Variants in AGRN observed in about 807,000 individuals in gnomAD.
The protein encoded by AGRN is agrin.
AGRN carries 106 observed loss-of-function variants against 211.0 expected under a neutral mutation model. That is an observed-to-expected ratio of 0.50 (90% CI 0.43 to 0.59). AGRN has a LOEUF of 0.59. Ranked by LOEUF, AGRN falls within the 20% of genes least tolerant of loss-of-function variation. The pLI is 0.00. For synonymous variants in AGRN, 1,525 were observed against 1,332.5 expected (o/e 1.14, Z -3.15); for missense variants, 3,040 against 2,982.6 (o/e 1.02, Z -0.45).
In AGRN at chr1:1,020,426, G is replaced by C; in HGVS notation, c.201+53G>C. On this transcript the variant is annotated intron_variant, in intron 1 of 35. Transcript: ENST00000379370. Reference sequence around the variant, plus strand: ...CTCGCGACGCCTGCCGCCCCGCCGGGACCCCCGCCCCAGGCCGTGGGAACC... The same window carrying C: ...CTCGCGACGCCTGCCGCCCCGCCGGCACCCCCGCCCCAGGCCGTGGGAACC... The C allele has an allele frequency of 2.0e-6, 3 of 1,467,670 alleles. No homozygotes were observed. The East Asian group carries it at 9.0e-5, about 44-fold the overall frequency. 90.9% of individuals were successfully genotyped at this position (1,467,670 alleles called of 1,614,324 possible).
intron 2 of AGRN, among the ~76,000 whole-genome samples, chr1:1,023,917 T>TCC (rs1644464464): frequency 6.6e-6 from 1 of 151,988 alleles, no homozygotes; most frequent in African/African-American, 2.4e-5. Flanking sequence ...AGGGACGAGC[T>TCC]CCAGGTGGGG....
rs780205618 is a variant in AGRN, at chr1:1,043,388, G to T, written c.1534G>T (p.Ala512Ser). Residue 512 changes from alanine (A) to serine (S), a missense_variant, in exon 8 of 36, where the codon GCG becomes TCG. This residue lies in a region of AGRN where 1,498 missense variants were observed against 1,457.8 expected (regional missense o/e 1.03). Coordinates refer to ENST00000379370, the MANE Select transcript of AGRN (RefSeq NM_198576.4). ...CAGCGACGGCGTCACATACGGCAGC[G>T]CGTGCGAGCTGGAGGCCACGGCCTG... Reference protein sequence around the residue: ...CGSDGVTYGSACELEATACTL... With the variant: ...CGSDGVTYGSSCELEATACTL... 25 of 1,608,974 alleles carry T rather than the reference G, an allele frequency of 1.6e-5. No homozygotes were observed. The highest frequency in any genetic ancestry group is 2.1e-5 in the Non-Finnish European group (25 of 1,178,460).
chr1:1,020,855 G>GGGC (rs1553170896), intron 1 of AGRN, among the ~76,000 whole-genome samples: 1 of 150,696 alleles, frequency 6.6e-6, no homozygotes. Context: ...TGCGGGGGGG[G>GGGC]GGCGTGCAGG....
chr1:1,054,025 G>A (rs757508839), intron 34 of AGRN, 48 bp downstream of exon 34: 9 of 1,539,734 alleles, frequency 5.8e-6, no homozygotes, highest in Non-Finnish European at 7.9e-6. Context: ...GGGCTGCCCA[G>A]ACTTGCCCAG....
intron 3 of AGRN, among the ~76,000 whole-genome samples, 194 bp downstream of exon 3, chr1:1,035,518 C>G (rs532872996): frequency 2.0e-4 from 30 of 152,366 alleles, no homozygotes; most frequent in African/African-American, 7.2e-4. Context: ...AGGCCGCCGC[C>G]TGACGGCACT....
At position 1,031,537 on chromosome 1, in the gene AGRN, A is replaced by C. The variant is rs890925708; in HGVS notation, c.464-3740A>C. Among the ~76,000 whole-genome samples, 3 of 152,110 alleles carry C rather than the reference A, an allele frequency of 2.0e-5. No individual in the cohort carries two copies. The highest frequency in any genetic ancestry group is 2.4e-5 in the African/African-American group (1 of 41,420). Reference sequence around the variant, plus strand: ...ACACTGACTGGGGCTGGGTGGGGCCAGGCTGCCTGCCTGGTTCCCCTTCCC... The same window carrying C: ...ACACTGACTGGGGCTGGGTGGGGCCCGGCTGCCTGCCTGGTTCCCCTTCCC... On this transcript the variant is annotated intron_variant, in intron 2 of 35. Coordinates refer to ENST00000379370, the MANE Select transcript of AGRN (RefSeq NM_198576.4). This position sits in a 1 kb window ranked among gnomAD's most constrained non-coding sequence, Gnocchi z 4.8.
chr1:1,047,004 G>A (rs201799381), intron 19 of AGRN, 47 bp downstream of exon 19: 21 of 1,553,514 alleles, frequency 1.4e-5, no homozygotes, highest in Middle Eastern at 4.0e-4. Context: ...GCCTGGGCTC[G>A]GCCGAGGTGC....
Position 1,045,214 on chromosome 1 carries a change from C to T in AGRN, c.2308C>T (p.Pro770Ser). ...PVAPLHCAQT[P>S]YGCCQDNITA... ...GGCCCCCTTACACTGTGCCCAGACGCCCTACGGCTGCTGCCAGGACAATAT... is the reference window on the plus strand; with the variant it reads ...GGCCCCCTTACACTGTGCCCAGACGTCCTACGGCTGCTGCCAGGACAATAT... Residue 770 changes from proline to serine, a missense_variant, in exon 13 of 36, where the codon CCC becomes TCC. By Grantham distance (74) the Pro-to-Ser change is moderately conservative. Around this residue, in one of 3 missense-constraint regions of AGRN, gnomAD observed 1,498 missense variants for 1,457.8 expected, o/e 1.03. Transcript: ENST00000379370. The T allele has an allele frequency of 1.9e-6, 3 of 1,612,644 alleles. No individual in the cohort carries two copies. In the South Asian group the frequency reaches 3.3e-5, roughly 18 times the overall value.
In AGRN at chr1:1,031,800, C is replaced by T. The variant is rs1644682366; in HGVS notation, c.464-3477C>T. On this transcript the variant is annotated intron_variant, in intron 2 of 35. Coordinates refer to ENST00000379370, the MANE Select transcript of AGRN (RefSeq NM_198576.4). This position sits in a 1 kb window ranked among gnomAD's most constrained non-coding sequence, Gnocchi z 4.8. ...CCTCCTGCAGAGCCCGCCCAGAGATCCCATGGCTGAAGGTGGTGGCAGCAG... is the reference window on the plus strand; with the variant it reads ...CCTCCTGCAGAGCCCGCCCAGAGATTCCATGGCTGAAGGTGGTGGCAGCAG... Among the ~76,000 whole-genome samples, 1 of 152,362 alleles carries T rather than the reference C, an allele frequency of 6.6e-6. No homozygotes were observed. The highest frequency in any genetic ancestry group is 1.9e-4 in the East Asian group (1 of 5,186).
chr1:1,050,910 G>A (rs1645266393), intron 30 of AGRN, 73 bp downstream of exon 30: 2 of 1,530,372 alleles, frequency 1.3e-6, no homozygotes, highest in African/African-American at 2.8e-5. Flanking sequence ...CCCCGCCCCT[G>A]CCGGCGCTCA....
intron 2 of AGRN, among the ~76,000 whole-genome samples, chr1:1,029,939 ATGTG>A (rs376955547): frequency 1.1e-4 from 5 of 46,552 alleles, no homozygotes; most frequent in African/African-American, 3.9e-4. Context: ...TGAGATCAGC[ATGTG>A]TGTGTGTGTG....
At chr1:1,022,132 C>T in intron 1 of AGRN, 69 bp from the exon 2 acceptor site, 1 of 1,595,148 alleles carries the variant, frequency 6.3e-7, no homozygotes, top group Admixed American at 1.7e-5. Flanking sequence ...GCCCTAAACA[C>T]CTAAAGCCCC....
At position 1,049,948 on chromosome 1, in the gene AGRN, G is replaced by C. The variant is rs376955370; in HGVS notation, c.4790G>C (p.Cys1597Ser). The change falls in exon 27 of 36, where the codon TGC becomes TCC. Residue 1597 changes from cysteine (C) to serine (S), a missense_variant. Around this residue, in one of 3 missense-constraint regions of AGRN, gnomAD observed 1,537 missense variants for 1,505.0 expected, o/e 1.02. Coordinates refer to ENST00000379370, the MANE Select transcript of AGRN (RefSeq NM_198576.4). The part of the protein sequence containing the change: ...DEKSPCQPNP[C>S]HGAAPCRVLP... ...AAGAGCCCCTGCCAGCCCAACCCCT[G>C]CCATGGGGCGGCGCCCTGCCGTGTG... 4 of 1,612,152 alleles carry C rather than the reference G, an allele frequency of 2.5e-6. No homozygotes were observed. The highest frequency in any genetic ancestry group is 3.4e-6 in the Non-Finnish European group (4 of 1,179,820).
chr1:1,024,663 C>T (rs1028436093), intron 2 of AGRN, among the ~76,000 whole-genome samples: 1 of 152,162 alleles, frequency 6.6e-6, no homozygotes, highest in Non-Finnish European at 1.5e-5. Flanking sequence ...TGCTGGGCCA[C>T]ACCTGGACTC....
rs1308302279 is a variant in AGRN at position 1,042,177 on chromosome 1, G to A, written c.1384+15G>A. The stretch of plus-strand genomic sequence containing the variant: ...GGGCCCGTGTGGTGAGCGCCCCGGG[G>A]TGGAGGCCAGGCGGGGTGGGCTGCT... On this transcript the variant is annotated intron_variant, in intron 7 of 35. Coordinates refer to ENST00000379370, the MANE Select transcript of AGRN (RefSeq NM_198576.4). 1.3e-6 allele frequency: 2 copies of A among 1,585,718 alleles called. No homozygotes were observed. Among genetic ancestry groups the A allele is most frequent in the South Asian group, 1.1e-5 (1 of 90,046 alleles).
At position 1,048,277 on chromosome 1, in the gene AGRN, C is replaced by T. The variant is rs1645161250; in HGVS notation, c.4017C>T (p.Phe1339=). Residue 1339 remains phenylalanine (F), a synonymous_variant, in exon 23 of 36, where the codon TTC becomes TTT. Transcript: ENST00000379370. This position sits in a 1 kb window ranked among gnomAD's most constrained non-coding sequence, Gnocchi z 5.9. ...PPKPCDSQPC[F]HGGTCQDWAL... ...AGCCCTGTGACTCACAGCCCTGCTT[C>T]CACGGGGGGACCTGCCAGGACTGGG... 3 of 1,527,186 alleles carry T rather than the reference C, an allele frequency of 2.0e-6. No individual in the cohort carries two copies. The highest frequency in any genetic ancestry group is 2.6e-6 in the Non-Finnish European group (3 of 1,133,538). 94.6% of individuals were successfully genotyped at this position (1,527,186 alleles called of 1,614,324 possible). A position where few individuals can be genotyped will look rare whatever the true frequency, so the allele number is the denominator to read the frequency against.
At position 1,040,666 on chromosome 1, in the gene AGRN, G is replaced by A. The variant is rs1470001310; in HGVS notation, c.513G>A (p.Ala171=). ...AGCTTTCTCCCCTACCCGCCCCAGC[G>A]TGCCGGGGAATGCTGTGCGGCTTCG... ...FTPVPPTPPD[A]CRGMLCGFGA... Residue 171 remains alanine (A), a splice_region_variant and synonymous_variant, in exon 4 of 36, where the codon GCG becomes GCA. Transcript: ENST00000379370. 6.5e-7 allele frequency: 1 copy of A among 1,547,514 alleles called. No homozygotes were observed.
Position 1,045,744 on chromosome 1 carries a change from G to C in AGRN, c.2548G>C (p.Asp850His). ...GRSGCTPCSCDPQGAVRDDCE... is the reference protein window; with the variant it reads ...GRSGCTPCSCHPQGAVRDDCE... ...GATTTTCCCCAAAGCCTGCAGCTGT[G>C]ATCCCCAAGGCGCCGTGCGGGATGA... Residue 850 changes from aspartate to histidine, a missense_variant, in exon 15 of 36, where the codon GAT becomes CAT. Asp to His is a moderately conservative substitution (Grantham distance 81). Around this residue, in one of 3 missense-constraint regions of AGRN, gnomAD observed 1,498 missense variants for 1,457.8 expected, o/e 1.03. Transcript: ENST00000379370. 6.2e-7 allele frequency: 1 copy of C among 1,613,426 alleles called. No individual in the cohort carries two copies.
chr1:1,044,732 C>T (rs28671134), intron 12 of AGRN, among the ~76,000 whole-genome samples: 92 of 152,092 alleles, frequency 6.0e-4, no homozygotes, highest in African/African-American at 2.1e-3. Context: ...TCCATCCGGT[C>T]GATGTATCAC....
Sources: allele counts gnomAD v4.1 joint callset (sites outside exome capture counted in the v4.1 genomes callset), GRCh38; gene constraint gnomAD v4.1.1; regional missense constraint gnomAD v4.1.1; non-coding constraint Gnocchi (gnomAD v3.1); transcripts MANE v1.5; gene names NCBI Gene and HGNC (gene_info 2026-07-23, HGNC 2026-07-21).